Variants in TNFRSF8 observed in about 807,000 individuals in gnomAD.
TNFRSF8 encodes TNF receptor superfamily member 8.
TNFRSF8 carries 26 observed loss-of-function variants against 70.8 expected under a neutral mutation model. The ratio of observed to expected loss-of-function variants is 0.37; its 90% CI spans 0.27 to 0.51. The LOEUF is 0.51. Among genes scored for constraint, TNFRSF8 ranks in the 20% least tolerant of loss-of-function variants. TNFRSF8 has a pLI of 0.94. For missense variants in TNFRSF8, 720 were observed against 807.9 expected, an observed-to-expected ratio of 0.89 and a Z score of 1.32; for synonymous variants, 356 against 339.2, an observed-to-expected ratio of 1.05 and a Z score of -0.54.
intron 1 of TNFRSF8, among the ~76,000 whole-genome samples, chr1:12,079,620 G>A (rs1314454598): frequency 6.6e-6 from 1 of 152,218 alleles, no homozygotes; most frequent in African/African-American, 2.4e-5. Context: ...TGTGTAAGGG[G>A]AAGGGGGTGC....
In TNFRSF8 at chr1:12,108,443, C is replaced by T. The variant is rs990991427; in HGVS notation, c.422-1123C>T. ...ATGGGTGTAAGGACATAGCATTTAC[C>T]ATATGTCATGCAATGTGATGGGCAC... is the stretch of plus-strand genomic sequence containing the variant. On this transcript the variant is annotated intron_variant, in intron 4 of 14. Transcript: ENST00000263932. This position sits in a 1 kb window ranked among gnomAD's most constrained non-coding sequence, Gnocchi z 4.0. 5.3e-5 allele frequency among the ~76,000 whole-genome samples: 8 copies of T among 152,118 alleles called. No individual in the cohort carries two copies. Among genetic ancestry groups the T allele is most frequent in the African/African-American group, 1.9e-4 (8 of 41,442 alleles).
Position 12,076,097 on chromosome 1 carries a change from C to CTT in TNFRSF8, c.64-8363_64-8362dup, listed in dbSNP as rs397829917. ...TTCTTGGTTTTATTCTTTTTTTTTT[C>CTT]TTTTTCTTTTTTTTTTTTTTGAGAT... On this transcript the variant is annotated intron_variant, in intron 1 of 14. Coordinates refer to ENST00000263932, the MANE Select transcript of TNFRSF8 (RefSeq NM_001243.5). Among the ~76,000 whole-genome samples, 430 of 139,404 alleles carry CTT rather than the reference C, an allele frequency of 3.1e-3. 9 individuals carry two copies. The highest frequency in any genetic ancestry group is 4.4e-3 in the South Asian group (19 of 4,324). The allele number at this position is 139,404 out of a possible 152,430, so 91.5% of individuals were successfully genotyped here.
chr1:12,132,084 G>A (rs1017915179), intron 12 of TNFRSF8, among the ~76,000 whole-genome samples: 4 of 152,204 alleles, frequency 2.6e-5, no homozygotes, highest in South Asian at 2.1e-4. Context: ...GAGCCACCAC[G>A]CCCAGTCTCA....
intron 12 of TNFRSF8, among the ~76,000 whole-genome samples, chr1:12,134,493 T>A (rs1001729441): frequency 2.6e-5 from 4 of 152,134 alleles, no homozygotes; most frequent in Non-Finnish European, 5.9e-5. Context: ...GGCCCCTGTT[T>A]AATATGGGAG....
At chr1:12,077,421 G>A (rs1235254575) in intron 1 of TNFRSF8, among the ~76,000 whole-genome samples, 1 of 152,166 alleles carries the variant, frequency 6.6e-6, no homozygotes, top group Non-Finnish European at 1.5e-5. Context: ...CACCATTGCC[G>A]GCTTTGCAGA....
chr1:12,076,097 C>CTTTTTTTTTTTT (rs397829917), intron 1 of TNFRSF8, among the ~76,000 whole-genome samples: 18 of 139,516 alleles, frequency 1.3e-4, no homozygotes, highest in African/African-American at 1.8e-4. Flanking sequence ...TTTTTTTTTT[C>CTTTTTTTTTTTT]TTTTTCTTTT....
intron 9 of TNFRSF8, 36 bp downstream of exon 9, chr1:12,123,413 G>T (rs1470018292): frequency 1.9e-6 from 3 of 1,556,346 alleles, no homozygotes; most frequent in Non-Finnish European, 8.7e-7. Context: ...TTTGGCTGCT[G>T]CAGGAGGGAG....
intron 7 of TNFRSF8, among the ~76,000 whole-genome samples, chr1:12,115,038 C>G (rs1641703478): frequency 6.6e-6 from 1 of 152,112 alleles, no homozygotes; most frequent in Non-Finnish European, 1.5e-5. Flanking sequence ...AAATTTCAAA[C>G]ATATTCAGAT....
intron 3 of TNFRSF8, among the ~76,000 whole-genome samples, chr1:12,098,211 A>G (rs1365266017): frequency 1.3e-5 from 2 of 152,238 alleles, no homozygotes; most frequent in Non-Finnish European, 2.9e-5. Context: ...TCCTGGAAGA[A>G]GTAGCAAAGG....
At chr1:12,125,369 G>T (rs764322242) in intron 10 of TNFRSF8, among the ~76,000 whole-genome samples, 18 of 152,286 alleles carry the variant, frequency 1.2e-4, no homozygotes, top group Non-Finnish European at 2.4e-4. Flanking sequence ...GTGACCTTGG[G>T]CAACTTAACG....
At chr1:12,124,198 G>A (rs995601753) in intron 10 of TNFRSF8, among the ~76,000 whole-genome samples, 2 of 151,838 alleles carry the variant, frequency 1.3e-5, no homozygotes, top group East Asian at 3.9e-4. Flanking sequence ...TAGTAGAGAC[G>A]GGGTTTTGCC....
intron 1 of TNFRSF8, among the ~76,000 whole-genome samples, chr1:12,076,546 C>G (rs980219362): frequency 1.6e-4 from 25 of 152,224 alleles, no homozygotes; most frequent in Non-Finnish European, 1.2e-4. Context: ...GCTCCACCCT[C>G]TATGCTGTTT....
At chr1:12,120,350 G>C (rs376476904) in intron 8 of TNFRSF8, among the ~76,000 whole-genome samples, 6 of 152,200 alleles carry the variant, frequency 3.9e-5, no homozygotes, top group African/African-American at 1.4e-4. Context: ...CCGAGGAAGT[G>C]TTCCCAGGAA....
At position 12,143,821 on chromosome 1, in the gene TNFRSF8, G is replaced by A. The variant is rs544065; in HGVS notation, c.*1290G>A. 0.084 allele frequency: 12,820 copies of A among 152,232 alleles called. 1,754 individuals are homozygous for A. The highest frequency in any genetic ancestry group is 0.29 in the African/African-American group (11,998 of 41,458). The allele number at this position is 152,232 out of a possible 1,614,324, so 9.4% of individuals were successfully genotyped here. A position where few individuals can be genotyped will look rare whatever the true frequency, so the allele number is the denominator to read the frequency against. On this transcript the variant is annotated 3_prime_UTR_variant, in exon 15 of 15. Transcript: ENST00000263932. This position sits in a 1 kb window ranked among gnomAD's most constrained non-coding sequence, Gnocchi z 4.1. ...TACCGCCTGGAGGCAGGCCCGGGAA[G>A]GCTGCTGTTTACTCATCGGGCAGCC...
chr1:12,118,436 T>C (rs1291558064), intron 8 of TNFRSF8, among the ~76,000 whole-genome samples: 6 of 152,194 alleles, frequency 3.9e-5, no homozygotes, highest in South Asian at 4.2e-4. Context: ...AAAATAAATA[T>C]GAATGAGCAA....
chr1:12,071,331 C>T (rs539343965), intron 1 of TNFRSF8, among the ~76,000 whole-genome samples: 233 of 152,052 alleles, frequency 1.5e-3, no homozygotes, highest in African/African-American at 5.2e-3. Flanking sequence ...CCCAGCTACT[C>T]GCGAGGTTGA....
Position 12,126,021 on chromosome 1 carries a change from C to T in TNFRSF8, c.1224C>T (p.His408=). The part of the protein sequence containing the change: ...VVGSSAFLLC[H]RRACRKRIRQ... ...GCTCCAGCGCCTTCCTCCTGTGCCA[C>T]CGGAGGGCCTGCAGGAAGCGAATTC... is the stretch of plus-strand genomic sequence containing the variant. The change falls in exon 11 of 15, where the codon CAC becomes CAT. Residue 408 remains histidine (H), a synonymous_variant. Transcript: ENST00000263932. The T allele has an allele frequency of 1.2e-6, 2 of 1,614,172 alleles. No homozygotes were observed. Among genetic ancestry groups the T allele is most frequent in the Non-Finnish European group, 1.7e-6 (2 of 1,180,016 alleles).
intron 1 of TNFRSF8, among the ~76,000 whole-genome samples, chr1:12,074,957 T>TA (rs924030818): frequency 1.3e-5 from 2 of 151,818 alleles, no homozygotes; most frequent in African/African-American, 4.8e-5. Context: ...CCCAGCTAAT[T>TA]AAAAAAAAAT....
rs369817280 is a variant in TNFRSF8 at position 12,097,213 on chromosome 1, T to C, written c.264T>C (p.Ser88=). ...ADRCTACVTC[S]RDDLVEKTPC... is the part of the protein sequence containing the mutation. ...GCTGTACAGCCTGCGTGACTTGTTC[T>C]CGAGGTAAGGGCCTTGTTCTCTCTC... Residue 88 remains serine, a synonymous_variant, in exon 3 of 15, where the codon TCT becomes TCC. Coordinates refer to ENST00000263932, the MANE Select transcript of TNFRSF8 (RefSeq NM_001243.5). 1 of 1,613,538 alleles carries C rather than the reference T, an allele frequency of 6.2e-7. No homozygotes were observed. The highest frequency in any genetic ancestry group is 1.7e-5 in the Admixed American group (1 of 60,008).
Sources: gnomAD v4.1 joint callset for allele counts (sites outside exome capture counted in the v4.1 genomes callset) on GRCh38, gnomAD v4.1.1 for gene constraint, Gnocchi (gnomAD v3.1) non-coding constraint, MANE v1.5 for transcripts, NCBI Gene and HGNC (gene_info 2026-07-23, HGNC 2026-07-21) for gene names.